Variants in IMMP2L observed in about 807,000 individuals in gnomAD.
IMMP2L encodes the protein mitochondrial inner membrane protease subunit 2.
IMMP2L carries 18 observed loss-of-function variants against 19.3 expected under a neutral mutation model. That is an observed-to-expected ratio of 0.93 (90% confidence interval 0.64 to 1.38). The LOEUF is 1.38. Ranked by LOEUF, IMMP2L falls within the 40% of genes most tolerant of loss-of-function variation. The probability of loss-of-function intolerance (pLI) is 0.00; values close to 1 mark genes in which losing one functional copy is unlikely to be tolerated. For synonymous variants in IMMP2L, 76 were observed against 73.0 expected (o/e 1.04, Z -0.21); for missense variants, 233 against 218.2 (o/e 1.07, Z -0.43).
chr7:111,082,366 C>G (rs1795954186), intron 3 of IMMP2L, among the ~76,000 whole-genome samples: 1 of 152,184 alleles, frequency 6.6e-6, no homozygotes, highest in South Asian at 2.1e-4. Context: ...ACCAAAATAA[C>G]TTGGAATGCG....
chr7:111,287,523 G>A (rs1257354233), intron 3 of IMMP2L, among the ~76,000 whole-genome samples: 8 of 149,886 alleles, frequency 5.3e-5, no homozygotes, highest in Admixed American at 1.3e-4. Context: ...ACAGTCTTTT[G>A]TTCCACAAAA....
chr7:111,332,002 T>C lies in IMMP2L; in HGVS notation c.239+155236A>G, dbSNP rs187042011. On this transcript the variant is annotated intron_variant, in intron 3 of 5. Coordinates refer to ENST00000405709, the MANE Select transcript of IMMP2L (RefSeq NM_032549.4). ...ATAAGACACACGGGAAAATACATCATGTGCTATATGCTATATATTATGTGC... is the reference window on the plus strand; with the variant it reads ...ATAAGACACACGGGAAAATACATCACGTGCTATATGCTATATATTATGTGC... Among the ~76,000 whole-genome samples the C allele has an allele frequency of 1.1e-4, 17 of 152,002 alleles. No individual in the cohort carries two copies. The East Asian group carries it at 3.3e-3, about 29-fold the overall frequency.
At chr7:111,185,649 A>G (rs1332104226) in intron 3 of IMMP2L, among the ~76,000 whole-genome samples, 1 of 152,154 alleles carries the variant, frequency 6.6e-6, no homozygotes, top group African/African-American at 2.4e-5. Context: ...GTAACAGAAA[A>G]CTAAAATTTT....
chr7:111,384,809 T>C (rs1432959128), intron 3 of IMMP2L, among the ~76,000 whole-genome samples: 1 of 152,160 alleles, frequency 6.6e-6, no homozygotes, highest in Non-Finnish European at 1.5e-5. Context: ...TTTTACATAT[T>C]TACATTTTAT....
chr7:111,098,443 A>T (rs2129579387), intron 3 of IMMP2L, among the ~76,000 whole-genome samples: 1 of 151,940 alleles, frequency 6.6e-6, no homozygotes, highest in Middle Eastern at 3.4e-3. Flanking sequence ...ATTATACCAT[A>T]ATATGCTGCT....
At chr7:111,281,206 GAAAGAAAGAA>G (rs1563005004) in intron 3 of IMMP2L, among the ~76,000 whole-genome samples, 1,935 of 40,202 alleles carry the variant, frequency 0.048, 73 homozygotes, top group African/African-American at 0.074. Flanking sequence ...AAGAAAGAAA[GAAAGAAAGAA>G]AAAGAAAGAA....
At chr7:111,392,876 C>G (rs1273777277) in intron 3 of IMMP2L, 1 of 456,258 alleles carries the variant, frequency 2.2e-6, no homozygotes, top group Middle Eastern at 3.3e-4. Context: ...CTGGAAGGGT[C>G]CAGAGCATAG....
intron 3 of IMMP2L, among the ~76,000 whole-genome samples, chr7:111,144,325 C>G: frequency 6.6e-6 from 1 of 152,082 alleles, no homozygotes; most frequent in East Asian, 1.9e-4. Flanking sequence ...CAGGAATAGT[C>G]GTAAATTCTA....
At chr7:111,349,944 CT>C (rs369786863) in intron 3 of IMMP2L, among the ~76,000 whole-genome samples, 336 of 151,556 alleles carry the variant, frequency 2.2e-3, no homozygotes, top group African/African-American at 7.0e-3. Flanking sequence ...GAGCTCATTA[CT>C]TTATTTATCA....
intron 5 of IMMP2L, among the ~76,000 whole-genome samples, chr7:110,809,281 G>T (rs958041586): frequency 1.3e-5 from 2 of 151,872 alleles, no homozygotes; most frequent in African/African-American, 4.8e-5. Context: ...AACAAATCAG[G>T]TAAATACTAA....
At chr7:111,090,182 C>T (rs1796712472) in intron 3 of IMMP2L, among the ~76,000 whole-genome samples, 1 of 152,018 alleles carries the variant, frequency 6.6e-6, no homozygotes, top group Non-Finnish European at 1.5e-5. Context: ...TATGTTCTTT[C>T]AGAAATATGC....
chr7:110,871,670 G>GAA (rs1209912782), intron 5 of IMMP2L, among the ~76,000 whole-genome samples: 10 of 152,020 alleles, frequency 6.6e-5, no homozygotes, highest in Non-Finnish European at 1.0e-4. Flanking sequence ...ATGGAAGGTA[G>GAA]AAAGGTGAAA....
chr7:111,446,644 G>C lies in IMMP2L; in HGVS notation c.239+40594C>G, dbSNP rs570287349. ...GAAAAACTGGAAACTCTAAAACACA[G>C]AGCGCCTCTCCTCCTCCAAAGGAAC... On this transcript the variant is annotated intron_variant, in intron 3 of 5. Transcript: ENST00000405709. Among the ~76,000 whole-genome samples the C allele has an allele frequency of 6.4e-4, 98 of 152,310 alleles. 1 individual carries two copies. Among genetic ancestry groups the C allele is most frequent in the African/African-American group, 1.8e-3 (74 of 41,546 alleles).
At chr7:111,556,039 T>TATATATATATATATATATATAA (rs1192398339) in intron 1 of IMMP2L, among the ~76,000 whole-genome samples, 2 of 139,594 alleles carry the variant, frequency 1.4e-5, no homozygotes, top group Non-Finnish European at 3.1e-5. Context: ...TATATATACA[T>TATATATATATATATATATATAA]ACCCAAAGAA....
intron 3 of IMMP2L, among the ~76,000 whole-genome samples, chr7:111,044,715 G>A (rs888223567): frequency 6.6e-6 from 1 of 151,998 alleles, no homozygotes; most frequent in Non-Finnish European, 1.5e-5. Flanking sequence ...ACGCAAAAAT[G>A]GCATGACCAA....
Position 111,474,661 on chromosome 7 carries a change from T to C in IMMP2L, c.239+12577A>G, listed in dbSNP as rs576548912. On this transcript the variant is annotated intron_variant, in intron 3 of 5. Transcript: ENST00000405709. ...CCTCACTGATAATTGGCCTCTTTCTTTATTAACTGATTTCCCCCCTTGATT... is the reference window on the plus strand; with the variant it reads ...CCTCACTGATAATTGGCCTCTTTCTCTATTAACTGATTTCCCCCCTTGATT... Among the ~76,000 whole-genome samples the C allele has an allele frequency of 2.4e-4, 37 of 152,240 alleles. 1 individual carries two copies. In the South Asian group the frequency reaches 5.8e-3, roughly 24 times the overall value.
At chr7:111,531,663 A>G (rs890466713) in intron 1 of IMMP2L, among the ~76,000 whole-genome samples, 3 of 152,108 alleles carry the variant, frequency 2.0e-5, no homozygotes, top group Non-Finnish European at 2.9e-5. Flanking sequence ...ACTGTACTTT[A>G]TTTTTTTCCA....
rs547257929 is a variant in IMMP2L, at chr7:110,949,329, T to TTAA, written c.305+14168_305+14170dup. On this transcript the variant is annotated intron_variant, in intron 4 of 5. Coordinates refer to ENST00000405709, the MANE Select transcript of IMMP2L (RefSeq NM_032549.4). The stretch of plus-strand genomic sequence containing the variant: ...TTCTAGCAATTCAGGAAAATCTCAC[T>TTAA]TAAATTAACAACTCAATATTTTCTC... Among the ~76,000 whole-genome samples, 545 of 152,316 alleles carry TTAA rather than the reference T, an allele frequency of 3.6e-3. 3 individuals are homozygous for TTAA. Among genetic ancestry groups the TTAA allele is most frequent in the African/African-American group, 0.012 (495 of 41,564 alleles).
intron 4 of IMMP2L, among the ~76,000 whole-genome samples, chr7:110,946,510 C>G (rs1262347286): frequency 1.1e-4 from 17 of 152,076 alleles, no homozygotes; most frequent in African/African-American, 3.4e-4. Flanking sequence ...AAAGTTATGC[C>G]AGATGTTTCA....
Sources: gnomAD v4.1 joint callset for allele counts (sites outside exome capture counted in the v4.1 genomes callset) on GRCh38, gnomAD v4.1.1 for gene constraint, MANE v1.5 for transcripts, NCBI Gene and HGNC (gene_info 2026-07-23, HGNC 2026-07-21) for gene names.